The following SP110 variants were observed in gnomAD, a reference collection of about 807,000 sequenced individuals.
SP110 encodes SP110 nuclear body protein.
Under a neutral mutation model 92.7 loss-of-function variants are expected in SP110, and 62 were observed. That is an observed-to-expected ratio of 0.67 (90% CI 0.55 to 0.83). SP110 has a LOEUF of 0.83. Among genes scored for constraint, SP110 ranks in the 40% least tolerant of loss-of-function variants. SP110 has a pLI of 0.00. For synonymous variants in SP110, 273 were observed against 305.3 expected (o/e 0.89, Z 1.10); for missense variants, 793 against 863.9 (o/e 0.92, Z 1.03).
At chr2:230,171,439 G>A (rs2078437477) in intron 17 of SP110, 1 of 515,152 alleles carries the variant, frequency 1.9e-6, no homozygotes, top group African/African-American at 1.9e-5. Flanking sequence ...TCTTCCTAAA[G>A]AGAAGATGAA....
chr2:230,171,971 A>G, intron 16 of SP110, 95 bp downstream of exon 16: 1 of 873,848 alleles, frequency 1.1e-6, no homozygotes, highest in East Asian at 2.4e-5. Flanking sequence ...GAGACATTGA[A>G]GGCTCCCTTT....
chr2:230,172,022 G>A (rs1328271130), intron 16 of SP110, 44 bp downstream of exon 16: 4 of 1,192,708 alleles, frequency 3.4e-6, no homozygotes, highest in African/African-American at 3.0e-5. Context: ...TGCTTCTCGT[G>A]TGAGAAGGGA....
intron 10 of SP110, chr2:230,200,670 A>G: frequency 1.7e-6 from 1 of 596,404 alleles, no homozygotes; most frequent in Admixed American, 2.9e-5. Context: ...GCAGATATAC[A>G]TACATACATA....
intron 2 of SP110, 58 bp from the exon 3 acceptor site, chr2:230,215,176 A>C: frequency 1.5e-6 from 2 of 1,372,800 alleles, no homozygotes; most frequent in Non-Finnish European, 2.1e-6. Context: ...GGGAAGTTAT[A>C]CATTTATGGT....
At chr2:230,184,225 G>C (rs1460000446) in intron 11 of SP110, among the ~76,000 whole-genome samples, 1 of 152,170 alleles carries the variant, frequency 6.6e-6, no homozygotes, top group Non-Finnish European at 1.5e-5. Context: ...AACTGCAGTT[G>C]ACTTCAGGTA....
chr2:230,215,818 A>G (rs6761830), intron 2 of SP110, among the ~76,000 whole-genome samples: 96 of 152,256 alleles, frequency 6.3e-4, no homozygotes, highest in African/African-American at 2.1e-3. Flanking sequence ...ACAAATAAAT[A>G]CCCATTTACA....
Position 230,172,935 on chromosome 2 carries a change from C to A in SP110, c.1615G>T (p.Val539Leu), listed in dbSNP as rs1376573680. The change falls in exon 15 of 19, where the codon GTG becomes TTG. Residue 539 changes from valine (V) to leucine (L), a missense_variant. Val to Leu is a conservative substitution (Grantham distance 32). Transcript: ENST00000258381. The part of the protein sequence containing the change: ...LKRKNSDECE[V>L]CCQGGQLLCC... The stretch of plus-strand genomic sequence containing the variant: ...AGAAGTTGTCCCCCTTGACAGCACA[C>A]CTCGCATTCATCCGAGTTTTTCCGC... 6.2e-7 allele frequency: 1 copy of A among 1,614,056 alleles called. No individual in the cohort carries two copies. The highest frequency in any genetic ancestry group is 8.5e-7 in the Non-Finnish European group (1 of 1,179,888).
intron 8 of SP110, among the ~76,000 whole-genome samples, chr2:230,203,956 A>C (rs1285016326): frequency 1.3e-5 from 2 of 152,244 alleles, no homozygotes; most frequent in African/African-American, 4.8e-5. Flanking sequence ...TTTTAATACC[A>C]TTGAGCTATG....
intron 10 of SP110, among the ~76,000 whole-genome samples, chr2:230,197,540 T>G (rs2148827981): frequency 6.7e-6 from 1 of 148,496 alleles, no homozygotes; most frequent in South Asian, 2.2e-4. Context: ...AGAAGCTCTT[T>G]AGTTTAATTA....
At chr2:230,172,664 AG>A in intron 15 of SP110, 179 bp downstream of exon 15, 1 of 602,950 alleles carries the variant, frequency 1.7e-6, no homozygotes, top group South Asian at 1.9e-5. Flanking sequence ...GGGCACTTCC[AG>A]GGGCAGAAGC....
chr2:230,199,581 G>C (rs1462853248), intron 10 of SP110, among the ~76,000 whole-genome samples: 3 of 152,002 alleles, frequency 2.0e-5, no homozygotes, highest in Non-Finnish European at 4.4e-5. Context: ...TTGAAAAAAA[G>C]TGAAATCATG....
At chr2:230,210,695 A>G in intron 6 of SP110, among the ~76,000 whole-genome samples, 1 of 152,240 alleles carries the variant, frequency 6.6e-6, no homozygotes. Flanking sequence ...ACTTGAAGCC[A>G]TAACAAATAA....
At chr2:230,170,817 A>T in intron 17 of SP110, 56 bp from the exon 18 acceptor site, 1 of 1,569,818 alleles carries the variant, frequency 6.4e-7, no homozygotes, top group Non-Finnish European at 8.8e-7. Flanking sequence ...ACTGGAATGG[A>T]TCCAACTTAA....
intron 9 of SP110, among the ~76,000 whole-genome samples, chr2:230,202,284 C>A (rs1039136821): frequency 4.6e-5 from 7 of 152,270 alleles, no homozygotes; most frequent in African/African-American, 1.7e-4. Flanking sequence ...TAAACAGAAG[C>A]TCCTTAGGGT....
rs1480520517 is a variant in SP110 at position 230,178,158 on chromosome 2, G to A, written c.1446C>T (p.His482=). The A allele has an allele frequency of 1.9e-6, 3 of 1,589,864 alleles. No homozygotes were observed. Among genetic ancestry groups the A allele is most frequent in the Non-Finnish European group, 2.6e-6 (3 of 1,158,242 alleles). The change falls in exon 13 of 19, where the codon CAC becomes CAT. Residue 482 remains histidine, a splice_region_variant and synonymous_variant. Coordinates refer to ENST00000258381, the MANE Select transcript of SP110 (RefSeq NM_080424.4). Reference sequence around the variant, plus strand: ...AGAGCAGAAGACCAAGGAACTCACCGTGTTTCATTTTCTTCTTATATAAAA... The same window carrying A: ...AGAGCAGAAGACCAAGGAACTCACCATGTTTCATTTTCTTCTTATATAAAA... The part of the protein sequence containing the change: ...KGILYKKKMK[H]GSSVKCIRNE...
At chr2:230,169,358 T>G in intron 18 of SP110, 121 bp from the exon 19 acceptor site, 3 of 711,566 alleles carry the variant, frequency 4.2e-6, no homozygotes, top group Non-Finnish European at 7.7e-6. Context: ...ACCCAGGCTG[T>G]GGTGCAGTGG....
At chr2:230,184,904 G>A (rs1027797055) in intron 11 of SP110, among the ~76,000 whole-genome samples, 2 of 152,174 alleles carry the variant, frequency 1.3e-5, no homozygotes, top group Admixed American at 1.3e-4. Flanking sequence ...GGGCCAAATT[G>A]GCCTACTGCC....
intron 10 of SP110, among the ~76,000 whole-genome samples, chr2:230,194,208 T>A (rs188708761): frequency 3.9e-5 from 6 of 152,066 alleles, no homozygotes; most frequent in Non-Finnish European, 5.9e-5. Context: ...TGGGACAAGA[T>A]CTCTTCCCAG....
At chr2:230,204,870 A>G (rs1038429165) in intron 8 of SP110, among the ~76,000 whole-genome samples, 2 of 152,224 alleles carry the variant, frequency 1.3e-5, no homozygotes, top group African/African-American at 4.8e-5. Flanking sequence ...TTCAGAATAT[A>G]GCATCCAAAG....
Sources: allele counts gnomAD v4.1 joint callset (sites outside exome capture counted in the v4.1 genomes callset), GRCh38; gene constraint gnomAD v4.1.1; transcripts MANE v1.5; gene names NCBI Gene and HGNC (gene_info 2026-07-23, HGNC 2026-07-21).